PAFAH1B1: variants seen among roughly 807,000 people sequenced by gnomAD.
PAFAH1B1 encodes the protein platelet-activating factor acetylhydrolase IB subunit beta.
In PAFAH1B1, 2 loss-of-function variants were observed where a neutral mutation model predicts 57.5. The observed-to-expected ratio is 0.03, with a 90% CI of 0.01 to 0.11. The LOEUF is 0.11. Among genes scored for constraint, PAFAH1B1 ranks in the 10% least tolerant of loss-of-function variants. The pLI, the probability that PAFAH1B1 is intolerant of heterozygous loss-of-function variation, is 1.00. For synonymous variants in PAFAH1B1, 152 were observed against 169.6 expected (o/e 0.90, Z 0.81); for missense variants, 257 against 512.0 (o/e 0.50, Z 4.81).
intron 1 of PAFAH1B1, among the ~76,000 whole-genome samples, chr17:2,632,781 T>C (rs1320047529): frequency 2.0e-5 from 3 of 152,220 alleles, no homozygotes; most frequent in African/African-American, 7.2e-5. Flanking sequence ...AAGATATGCA[T>C]AGGTTATATG....
chr17:2,666,519 A>T (rs1195765884), intron 4 of PAFAH1B1, among the ~76,000 whole-genome samples: 1 of 152,256 alleles, frequency 6.6e-6, no homozygotes, highest in Non-Finnish European at 1.5e-5. Flanking sequence ...AGTTAGAATA[A>T]GTAAATAACA....
At chr17:2,636,667 A>G (rs990969534) in intron 1 of PAFAH1B1, among the ~76,000 whole-genome samples, 1 of 152,082 alleles carries the variant, frequency 6.6e-6, no homozygotes, top group African/African-American at 2.4e-5. Context: ...CCAAAGTGCT[A>G]GGTTTGCAGA....
At chr17:2,652,339 C>T (rs1238509434) in intron 2 of PAFAH1B1, among the ~76,000 whole-genome samples, 5 of 152,172 alleles carry the variant, frequency 3.3e-5, no homozygotes, top group East Asian at 1.9e-4. Context: ...GGCGTGAACC[C>T]GGGAGGCGGA....
chr17:2,627,960 A>T lies in PAFAH1B1; in HGVS notation c.-190-10139A>T, dbSNP rs1465615022. Among the ~76,000 whole-genome samples, 6 of 152,188 alleles carry T rather than the reference A, an allele frequency of 3.9e-5. No homozygotes were observed. In the South Asian group the frequency reaches 8.3e-4, roughly 21 times the overall value. ...AGAAACTTTGCCGAATTCTTTTATC[A>T]GTTCTAGGAGCTATCTGAGGAGTCT... On this transcript the variant is annotated intron_variant, in intron 1 of 10. Coordinates refer to ENST00000397195, the MANE Select transcript of PAFAH1B1 (RefSeq NM_000430.4).
chr17:2,613,822 G>A lies in PAFAH1B1; in HGVS notation c.-191+19816G>A, dbSNP rs145577865. On this transcript the variant is annotated intron_variant, in intron 1 of 10. Coordinates refer to ENST00000397195, the MANE Select transcript of PAFAH1B1 (RefSeq NM_000430.4). ...TGATGCCGGGCGAGCATCTCCACTC[G>A]GGCAGGGGCAGGAATCCGTAGCCTG... The A allele has an allele frequency of 5.8e-3, 1,619 of 277,036 alleles. 14 individuals carry two copies. The highest frequency in any genetic ancestry group is 0.015 in the South Asian group (316 of 21,436). The allele number at this position is 277,036 out of a possible 1,614,324, so 17.2% of individuals were successfully genotyped here.
At chr17:2,671,557 T>C (rs2069182324) in intron 6 of PAFAH1B1, among the ~76,000 whole-genome samples, 1 of 150,378 alleles carries the variant, frequency 6.6e-6, no homozygotes, top group Admixed American at 6.7e-5. Context: ...TAAAAAGAGT[T>C]CTTTCTAATG....
At chr17:2,628,019 G>A (rs1288278846) in intron 1 of PAFAH1B1, among the ~76,000 whole-genome samples, 1 of 152,188 alleles carries the variant, frequency 6.6e-6, no homozygotes, top group African/African-American at 2.4e-5. Context: ...CATATCGTCA[G>A]CAAACAGTGA....
intron 1 of PAFAH1B1, among the ~76,000 whole-genome samples, chr17:2,622,222 C>G (rs2068433831): frequency 6.6e-6 from 1 of 152,190 alleles, no homozygotes; most frequent in Non-Finnish European, 1.5e-5. Context: ...CAAAACCAAT[C>G]TTGCCTTCCC....
At chr17:2,658,724 T>C (rs1338779467) in intron 2 of PAFAH1B1, among the ~76,000 whole-genome samples, 2 of 152,370 alleles carry the variant, frequency 1.3e-5, no homozygotes, top group East Asian at 3.9e-4. Context: ...GGTCTCATTA[T>C]AACCTCTTGC....
At chr17:2,608,342 T>C (rs537372908) in intron 1 of PAFAH1B1, among the ~76,000 whole-genome samples, 166 of 152,120 alleles carry the variant, frequency 1.1e-3, no homozygotes, top group Non-Finnish European at 1.9e-3. Context: ...CCTCAGCCTC[T>C]CAAAGTGCTG....
intron 1 of PAFAH1B1, among the ~76,000 whole-genome samples, chr17:2,624,642 T>C (rs1487540744): frequency 6.6e-6 from 1 of 152,122 alleles, no homozygotes; most frequent in African/African-American, 2.4e-5. Flanking sequence ...TTCAGTTACC[T>C]CCCGCTGGGT....
chr17:2,677,535 G>T (rs950648231), intron 9 of PAFAH1B1, among the ~76,000 whole-genome samples: 1 of 152,114 alleles, frequency 6.6e-6, no homozygotes, highest in African/African-American at 2.4e-5. Flanking sequence ...GACATATGTG[G>T]AAGCATCTTC....
chr17:2,616,293 T>C (rs931389772), intron 1 of PAFAH1B1, among the ~76,000 whole-genome samples: 1 of 151,978 alleles, frequency 6.6e-6, no homozygotes. Flanking sequence ...ACTGCTGGAG[T>C]ATGGCAGTAT....
chr17:2,657,252 C>T (rs2068948400), intron 2 of PAFAH1B1, among the ~76,000 whole-genome samples: 1 of 151,990 alleles, frequency 6.6e-6, no homozygotes, highest in African/African-American at 2.4e-5. Context: ...GAATTTGTTT[C>T]TGTTTTTTGA....
chr17:2,610,006 G>A (rs1597514127), intron 1 of PAFAH1B1, among the ~76,000 whole-genome samples: 2 of 152,236 alleles, frequency 1.3e-5, no homozygotes, highest in South Asian at 4.1e-4. Context: ...TGTATTTTTA[G>A]TAGAGGCAGG....
At chr17:2,661,676 A>G (rs1267268946) in intron 2 of PAFAH1B1, among the ~76,000 whole-genome samples, 2 of 152,200 alleles carry the variant, frequency 1.3e-5, no homozygotes, top group Non-Finnish European at 2.9e-5. Context: ...TCTAGTAAGA[A>G]AACATCTCAG....
chr17:2,669,265 A>ATT (rs563171022), intron 5 of PAFAH1B1, among the ~76,000 whole-genome samples: 8,443 of 142,590 alleles, frequency 0.059, 631 homozygotes, highest in African/African-American at 0.18. Flanking sequence ...AGCAATTAGA[A>ATT]TTTTTTTTTT....
intron 1 of PAFAH1B1, among the ~76,000 whole-genome samples, chr17:2,615,274 G>T (rs1473583437): frequency 6.6e-6 from 1 of 152,060 alleles, no homozygotes; most frequent in African/African-American, 2.4e-5. Context: ...TTGGTATCCG[G>T]GGGGTCCTGG....
chr17:2,668,344 A>G (rs1370076087), intron 5 of PAFAH1B1, among the ~76,000 whole-genome samples: 1 of 151,844 alleles, frequency 6.6e-6, no homozygotes, highest in African/African-American at 2.4e-5. Flanking sequence ...ACAACTAACC[A>G]AATAGTAACG....
Sources: allele counts gnomAD v4.1 joint callset (sites outside exome capture counted in the v4.1 genomes callset), GRCh38; gene constraint gnomAD v4.1.1; transcripts MANE v1.5; gene names NCBI Gene and HGNC (gene_info 2026-07-23, HGNC 2026-07-21).